KCNMB2: variants seen among roughly 807,000 people sequenced by gnomAD.
KCNMB2 encodes the protein potassium calcium-activated channel subfamily M regulatory beta subunit 2.
Under a neutral mutation model 24.5 loss-of-function variants are expected in KCNMB2, and 9 were observed. The ratio of observed to expected loss-of-function variants is 0.37; its 90% confidence interval spans 0.22 to 0.64. KCNMB2 has a LOEUF of 0.64. Ranked by LOEUF, KCNMB2 falls within the 30% of genes least tolerant of loss-of-function variation. KCNMB2 has a pLI of 0.63. For synonymous variants in KCNMB2, 109 were observed against 104.4 expected (o/e 1.04, Z -0.27); for missense variants, 226 against 284.3 (o/e 0.79, Z 1.47).
intron 1 of KCNMB2, among the ~76,000 whole-genome samples, chr3:178,724,710 T>G (rs1377365845): frequency 6.6e-6 from 1 of 152,172 alleles, no homozygotes; most frequent in Non-Finnish European, 1.5e-5. Context: ...CCAGTTTCTC[T>G]CTTCTGCATA....
At chr3:178,651,133 A>G (rs1471814886) in intron 1 of KCNMB2, among the ~76,000 whole-genome samples, 1 of 152,230 alleles carries the variant, frequency 6.6e-6, no homozygotes, top group East Asian at 1.9e-4. Flanking sequence ...CTGTTTGAAG[A>G]TGACATGATT....
intron 1 of KCNMB2, among the ~76,000 whole-genome samples, chr3:178,560,523 A>G (rs2169625): frequency 0.63 from 95,269 of 152,152 alleles, 31,027 homozygotes; most frequent in African/African-American, 0.81. Flanking sequence ...GGGCAAATGC[A>G]CTCCACTGAG....
At chr3:178,673,545 C>T (rs1187747305) in intron 1 of KCNMB2, among the ~76,000 whole-genome samples, 1 of 152,030 alleles carries the variant, frequency 6.6e-6, no homozygotes, top group Admixed American at 6.5e-5. Context: ...ATTTCACCTT[C>T]CCTCCTCTTA....
intron 1 of KCNMB2, among the ~76,000 whole-genome samples, chr3:178,649,852 C>T (rs760259210): frequency 4.6e-5 from 7 of 151,534 alleles, no homozygotes; most frequent in Non-Finnish European, 2.9e-5. Flanking sequence ...TTCAGTTCTG[C>T]TCTGAGCTTA....
chr3:178,537,748 G>A (rs1470548140), intron 1 of KCNMB2, among the ~76,000 whole-genome samples: 2 of 152,126 alleles, frequency 1.3e-5, no homozygotes, highest in African/African-American at 4.8e-5. Flanking sequence ...AATGTGAAGT[G>A]GCAGAAACAT....
Position 178,695,219 on chromosome 3 carries a change from C to T in KCNMB2, c.-67-112124C>T, listed in dbSNP as rs113657314. On this transcript the variant is annotated intron_variant, in intron 1 of 4. Transcript: ENST00000452583. The stretch of plus-strand genomic sequence containing the variant: ...AGCCATGGCTGGAGCAGCTGGGATA[C>T]AGGGAACCAAGTCCCCATGGCACAG... Among the ~76,000 whole-genome samples the T allele has an allele frequency of 1.7e-3, 254 of 152,358 alleles. 1 individual carries two copies. Among genetic ancestry groups the T allele is most frequent in the African/African-American group, 5.8e-3 (243 of 41,598 alleles).
intron 1 of KCNMB2, among the ~76,000 whole-genome samples, chr3:178,539,733 GTGTGTGCGTGTGTGTGTGTTGAGTGTGCA>G (rs1258410018): frequency 6.6e-6 from 1 of 152,022 alleles, no homozygotes; most frequent in Non-Finnish European, 1.5e-5. Context: ...GAGAGAGTGT[GTGTGTGCGTGTGTGTGTGTTGAGTGTGCA>G]TGTGTGCGTG....
intron 1 of KCNMB2, among the ~76,000 whole-genome samples, chr3:178,715,489 A>G (rs1192350344): frequency 6.6e-6 from 1 of 151,570 alleles, no homozygotes; most frequent in Non-Finnish European, 1.5e-5. Context: ...CCTTCTCAAC[A>G]TTTTGATGTA....
intron 1 of KCNMB2, among the ~76,000 whole-genome samples, chr3:178,769,009 A>G (rs916509936): frequency 1.3e-5 from 2 of 152,182 alleles, no homozygotes; most frequent in Non-Finnish European, 2.9e-5. Flanking sequence ...AAGCAAAACA[A>G]ACCCAGCAAA....
chr3:178,750,780 G>C (rs1018361487), intron 1 of KCNMB2, among the ~76,000 whole-genome samples: 5 of 152,160 alleles, frequency 3.3e-5, no homozygotes, highest in African/African-American at 7.2e-5. Flanking sequence ...TAGGTAATAA[G>C]AGGGAAAACT....
rs866194580 is a variant in KCNMB2 at position 178,783,520 on chromosome 3, G to A, written c.-67-23823G>A. Reference sequence around the variant, plus strand: ...AGAGGTCCTTCACATCCCTTGTAAGGTGGATTCCTAGGTATTTTATTCTCT... The same window carrying A: ...AGAGGTCCTTCACATCCCTTGTAAGATGGATTCCTAGGTATTTTATTCTCT... On this transcript the variant is annotated intron_variant, in intron 1 of 4. Coordinates refer to ENST00000452583, the MANE Select transcript of KCNMB2 (RefSeq NM_181361.3). Among the ~76,000 whole-genome samples the A allele has an allele frequency of 8.4e-3, 1,233 of 147,032 alleles. 27 individuals are homozygous for A. Among genetic ancestry groups the A allele is most frequent in the South Asian group, 0.068 (309 of 4,516 alleles).
intron 1 of KCNMB2, 36 bp downstream of exon 1, chr3:178,536,747 T>C (rs1285845505): frequency 6.6e-6 from 1 of 152,420 alleles, no homozygotes; most frequent in African/African-American, 2.4e-5. Context: ...AATCTGTTGC[T>C]GTTTCATGCT....
At chr3:178,549,527 A>G (rs1480722415) in intron 1 of KCNMB2, among the ~76,000 whole-genome samples, 2 of 122,176 alleles carry the variant, frequency 1.6e-5, no homozygotes, top group African/African-American at 3.2e-5. Context: ...AGGTTTCACT[A>G]TGTTAGCCAG....
chr3:178,643,077 A>G (rs1577067820), intron 1 of KCNMB2, among the ~76,000 whole-genome samples: 1 of 152,370 alleles, frequency 6.6e-6, no homozygotes, highest in East Asian at 1.9e-4. Context: ...CAACTCAGCA[A>G]TAAAAAGGAA....
At chr3:178,574,200 CAAG>C (rs992141808) in intron 1 of KCNMB2, among the ~76,000 whole-genome samples, 15 of 152,038 alleles carry the variant, frequency 9.9e-5, no homozygotes, top group African/African-American at 3.6e-4. Flanking sequence ...TTGCCCCAAA[CAAG>C]GAGATGTTAG....
intron 1 of KCNMB2, among the ~76,000 whole-genome samples, chr3:178,565,817 C>T (rs543360496): frequency 5.9e-5 from 9 of 152,276 alleles, no homozygotes; most frequent in African/African-American, 2.2e-4. Flanking sequence ...ATATAAATCT[C>T]ATACAAGGAA....
At chr3:178,661,438 A>G (rs1313291848) in intron 1 of KCNMB2, among the ~76,000 whole-genome samples, 1 of 151,626 alleles carries the variant, frequency 6.6e-6, no homozygotes, top group African/African-American at 2.4e-5. Flanking sequence ...ATAGTGCTGC[A>G]ATAAACATTT....
intron 1 of KCNMB2, among the ~76,000 whole-genome samples, chr3:178,773,834 T>C (rs949891645): frequency 2.6e-5 from 4 of 152,226 alleles, no homozygotes; most frequent in Non-Finnish European, 4.4e-5. Flanking sequence ...GTGTGTCTTA[T>C]TAAAAAATAT....
At chr3:178,759,300 TATATATCTCCAA>T (rs1711570634) in intron 1 of KCNMB2, among the ~76,000 whole-genome samples, 2 of 110,412 alleles carry the variant, frequency 1.8e-5, no homozygotes, top group African/African-American at 3.7e-5. Flanking sequence ...AGGAGACATA[TATATATCTCCAA>T]GAGGATATAT....
Sources: gnomAD v4.1 joint callset for allele counts (sites outside exome capture counted in the v4.1 genomes callset) on GRCh38, gnomAD v4.1.1 for gene constraint, MANE v1.5 for transcripts, NCBI Gene and HGNC (gene_info 2026-07-23, HGNC 2026-07-21) for gene names.